CDH8: variants seen among roughly 807,000 people sequenced by gnomAD.
The protein encoded by CDH8 is cadherin-8.
Under a neutral mutation model 68.1 loss-of-function variants are expected in CDH8, and 17 were observed. The ratio of observed to expected loss-of-function variants is 0.25; its 90% CI spans 0.17 to 0.37. The LOEUF (loss-of-function observed/expected upper bound fraction) is 0.37. Among genes scored for constraint, CDH8 ranks in the 10% least tolerant of loss-of-function variants. The probability of loss-of-function intolerance (pLI) is 1.00; values close to 1 mark genes in which losing one functional copy is unlikely to be tolerated. For missense variants in CDH8, 763 were observed against 999.3 expected (o/e 0.76, Z 3.19); for synonymous variants, 372 against 365.1 (o/e 1.02, Z -0.21).
At chr16:61,930,276 C>T (rs1031401849) in intron 2 of CDH8, among the ~76,000 whole-genome samples, 2 of 151,140 alleles carry the variant, frequency 1.3e-5, no homozygotes, top group Non-Finnish European at 2.9e-5. Context: ...AGAAAACACA[C>T]ACACACACAC....
At position 61,824,965 on chromosome 16, in the gene CDH8, G is replaced by A. The variant is rs188910663; in HGVS notation, c.835+47C>T. Reference sequence around the variant, plus strand: ...TAAAAATTATAATATAAATTCAAATGGAAACATCATACCAAGATTCTCATC... The same window carrying A: ...TAAAAATTATAATATAAATTCAAATAGAAACATCATACCAAGATTCTCATC... On this transcript the variant is annotated intron_variant, in intron 5 of 11. Transcript: ENST00000577390. 6.6e-5 allele frequency: 96 copies of A among 1,465,606 alleles called. No individual in the cohort carries two copies. The African/African-American group carries it at 1.1e-3, about 16-fold the overall frequency. The allele number at this position is 1,465,606 out of a possible 1,614,324, so 90.8% of individuals were successfully genotyped here. A position where few individuals can be genotyped will look rare whatever the true frequency, so the allele number is the denominator to read the frequency against.
intron 7 of CDH8, among the ~76,000 whole-genome samples, chr16:61,810,056 C>T (rs890752737): frequency 2.0e-5 from 3 of 152,114 alleles, no homozygotes; most frequent in African/African-American, 7.2e-5. Context: ...TGGTTTGAGG[C>T]CTCTGTATGG....
In CDH8 at chr16:61,653,038, G is replaced by C; in HGVS notation, c.*570C>G. On this transcript the variant is annotated 3_prime_UTR_variant, in exon 12 of 12. Transcript: ENST00000577390. Reference sequence around the variant, plus strand: ...AAAGATGCTATTCAGTCTCTAGTGAGTGGGGCCAACAATTATGTACAATGT... The same window carrying C: ...AAAGATGCTATTCAGTCTCTAGTGACTGGGGCCAACAATTATGTACAATGT... 1 of 1,396,128 alleles carries C rather than the reference G, an allele frequency of 7.2e-7. No homozygotes were observed. The highest frequency in any genetic ancestry group is 1.8e-5 in the South Asian group (1 of 56,600). 86.5% of individuals were successfully genotyped at this position (1,396,128 alleles called of 1,614,324 possible).
At chr16:61,914,120 C>G (rs1964201543) in intron 2 of CDH8, among the ~76,000 whole-genome samples, 1 of 152,072 alleles carries the variant, frequency 6.6e-6, no homozygotes, top group Non-Finnish European at 1.5e-5. Context: ...TGTCAGGACA[C>G]AGAGAGAAGG....
chr16:61,877,173 C>T (rs1332259942), intron 3 of CDH8, among the ~76,000 whole-genome samples: 2 of 151,986 alleles, frequency 1.3e-5, no homozygotes, highest in African/African-American at 4.8e-5. Flanking sequence ...CCATTGAAAT[C>T]AAACACAATT....
At chr16:62,031,277 T>C (rs1042592245) in intron 1 of CDH8, among the ~76,000 whole-genome samples, 1 of 152,130 alleles carries the variant, frequency 6.6e-6, no homozygotes, top group Non-Finnish European at 1.5e-5. Context: ...ATGAGTAAGA[T>C]TGATTTGAAA....
chr16:61,887,728 G>A (rs1963701365), intron 3 of CDH8, among the ~76,000 whole-genome samples: 1 of 151,834 alleles, frequency 6.6e-6, no homozygotes, highest in South Asian at 2.1e-4. Context: ...GAATTTGTGG[G>A]GAACACAATT....
At position 61,810,000 on chromosome 16, in the gene CDH8, C is replaced by T. The variant is rs148267078; in HGVS notation, c.1277+7479G>A. On this transcript the variant is annotated intron_variant, in intron 7 of 11. Transcript: ENST00000577390. ...TGTGTATCTATTTTTCAAATTTAAA[C>T]GGCATAAATGCACTTTTATATCATA... 6.9e-3 allele frequency among the ~76,000 whole-genome samples: 1,044 copies of T among 152,256 alleles called. 4 individuals carry two copies. Among genetic ancestry groups the T allele is most frequent in the South Asian group, 0.02 (97 of 4,832 alleles).
At chr16:61,702,980 T>G (rs567108500) in intron 10 of CDH8, among the ~76,000 whole-genome samples, 41 of 152,194 alleles carry the variant, frequency 2.7e-4, no homozygotes, top group Non-Finnish European at 5.3e-4. Context: ...AATAGGTGCC[T>G]AATAAATTTT....
chr16:61,913,681 A>T (rs561068941), intron 2 of CDH8, among the ~76,000 whole-genome samples: 1 of 152,220 alleles, frequency 6.6e-6, no homozygotes, highest in South Asian at 2.1e-4. Flanking sequence ...TTGGCTGAAA[A>T]CTAAAAACCA....
intron 10 of CDH8, among the ~76,000 whole-genome samples, chr16:61,699,170 G>C (rs1964377851): frequency 6.6e-6 from 1 of 152,058 alleles, no homozygotes; most frequent in Non-Finnish European, 1.5e-5. Flanking sequence ...TGTACCATTT[G>C]CTCATTCTCA....
At chr16:61,857,008 G>T in intron 4 of CDH8, 111 bp downstream of exon 4, 2 of 1,230,450 alleles carry the variant, frequency 1.6e-6, no homozygotes, top group Non-Finnish European at 2.4e-6. Context: ...AAATATTATT[G>T]ATGCAGGCAG....
chr16:62,008,803 C>T (rs1033677307), intron 2 of CDH8, among the ~76,000 whole-genome samples: 1 of 152,104 alleles, frequency 6.6e-6, no homozygotes, highest in African/African-American at 2.4e-5. Flanking sequence ...TCAATAGGTT[C>T]AGCCACTGCA....
intron 2 of CDH8, among the ~76,000 whole-genome samples, chr16:61,998,235 T>A (rs1410973192): frequency 2.0e-5 from 3 of 152,198 alleles, no homozygotes; most frequent in Non-Finnish European, 4.4e-5. Context: ...ATGGTGAGAT[T>A]CTTGTATTAT....
chr16:61,986,429 A>C (rs140904124), intron 2 of CDH8, among the ~76,000 whole-genome samples: 1 of 152,090 alleles, frequency 6.6e-6, no homozygotes, highest in Non-Finnish European at 1.5e-5. Flanking sequence ...CTCTGATTGT[A>C]TATACCTGGT....
At chr16:61,971,336 A>T (rs1965337240) in intron 2 of CDH8, among the ~76,000 whole-genome samples, 1 of 152,164 alleles carries the variant, frequency 6.6e-6, no homozygotes, top group Admixed American at 6.5e-5. Flanking sequence ...CTTCTGATTG[A>T]CAGGCTGTAT....
At chr16:61,763,107 G>C (rs986183878) in intron 8 of CDH8, among the ~76,000 whole-genome samples, 26 of 152,116 alleles carry the variant, frequency 1.7e-4, no homozygotes, top group African/African-American at 5.8e-4. Context: ...AGCTTGCATA[G>C]GATGTAAAAG....
intron 3 of CDH8, among the ~76,000 whole-genome samples, chr16:61,879,785 A>G (rs1597037344): frequency 6.6e-6 from 1 of 152,194 alleles, no homozygotes; most frequent in Admixed American, 6.5e-5. Context: ...GAAAAACAAC[A>G]AGGAACAATA....
intron 7 of CDH8, among the ~76,000 whole-genome samples, chr16:61,801,895 G>C (rs1311611852): frequency 6.7e-6 from 1 of 150,304 alleles, no homozygotes; most frequent in African/African-American, 2.5e-5. Context: ...GGGGAGGGGC[G>C]CCCGCCATTG....
Sources: allele counts gnomAD v4.1 joint callset (sites outside exome capture counted in the v4.1 genomes callset), GRCh38; gene constraint gnomAD v4.1.1; transcripts MANE v1.5; gene names NCBI Gene and HGNC (gene_info 2026-07-23, HGNC 2026-07-21).